The following THSD7B variants were observed in gnomAD, a reference collection of about 807,000 sequenced individuals.
The protein encoded by THSD7B is thrombospondin type 1 domain containing 7B.
Under a neutral mutation model 213.6 loss-of-function variants are expected in THSD7B, and 138 were observed. That is an observed-to-expected ratio of 0.65 (90% confidence interval 0.56 to 0.74). The LOEUF (loss-of-function observed/expected upper bound fraction) is 0.74. Among genes scored for constraint, THSD7B ranks in the 30% least tolerant of loss-of-function variants. The pLI, the probability that THSD7B is intolerant of heterozygous loss-of-function variation, is 0.00. For missense variants in THSD7B, 1,931 were observed against 1,991.5 expected, an observed-to-expected ratio of 0.97 and a Z score of 0.58; for synonymous variants, 742 against 687.0, an observed-to-expected ratio of 1.08 and a Z score of -1.25.
At chr2:137,163,131 G>A (rs570493690) in intron 6 of THSD7B, among the ~76,000 whole-genome samples, 8 of 151,910 alleles carry the variant, frequency 5.3e-5, no homozygotes, top group Non-Finnish European at 7.4e-5. Context: ...GCCCCATTCC[G>A]CCAAGTAACA....
intron 2 of THSD7B, among the ~76,000 whole-genome samples, chr2:136,884,794 A>T (rs1378067766): frequency 6.6e-6 from 1 of 152,234 alleles, no homozygotes; most frequent in South Asian, 2.1e-4. Context: ...TAATAAATTT[A>T]TCTAGTTTTC....
chr2:137,094,844 C>T (rs765804996), intron 3 of THSD7B, 29 bp from the exon 4 acceptor site: 49 of 1,601,546 alleles, frequency 3.1e-5, no homozygotes, highest in East Asian at 2.2e-4. Flanking sequence ...AATATATGGC[C>T]TCCTATTTTC....
At chr2:137,365,232 A>T (rs1266506937) in intron 12 of THSD7B, among the ~76,000 whole-genome samples, 2 of 152,212 alleles carry the variant, frequency 1.3e-5, no homozygotes, top group African/African-American at 4.8e-5. Context: ...CCTTATACAA[A>T]AATTAATTCA....
At chr2:137,663,354 T>A in intron 25 of THSD7B, 29 bp from the exon 26 acceptor site, 3 of 1,497,934 alleles carry the variant, frequency 2.0e-6, no homozygotes, top group Non-Finnish European at 2.7e-6. Context: ...ACTCACTGTG[T>A]AACCATAAAA....
At chr2:137,301,127 A>G (rs1177583424) in intron 12 of THSD7B, among the ~76,000 whole-genome samples, 1 of 152,128 alleles carries the variant, frequency 6.6e-6, no homozygotes, top group Non-Finnish European at 1.5e-5. Flanking sequence ...AAACAAAATC[A>G]TTCTACCCAG....
intron 10 of THSD7B, among the ~76,000 whole-genome samples, chr2:137,247,394 C>T (rs1400887810): frequency 6.6e-6 from 1 of 152,050 alleles, no homozygotes; most frequent in Admixed American, 6.6e-5. Context: ...ACATTAATCC[C>T]CACTTCCACA....
chr2:137,053,151 T>C (rs372828193), intron 2 of THSD7B, among the ~76,000 whole-genome samples: 51 of 152,278 alleles, frequency 3.3e-4, no homozygotes, highest in African/African-American at 1.2e-3. Flanking sequence ...CATTACCTGT[T>C]CTACTCATAC....
At chr2:137,092,776 A>G (rs562231969) in intron 3 of THSD7B, among the ~76,000 whole-genome samples, 1 of 152,274 alleles carries the variant, frequency 6.6e-6, no homozygotes, top group Non-Finnish European at 1.5e-5. Context: ...CTAGGACTAC[A>G]GGCACACACC....
rs749299206 is a variant in THSD7B at position 137,057,035 on chromosome 2, G to T, written c.755G>T (p.Arg252Ile). The change falls in exon 3 of 28, where the codon AGA becomes ATA. Residue 252 changes from arginine (R) to isoleucine (I), a missense_variant. Coordinates refer to ENST00000409968, the MANE Select transcript of THSD7B (RefSeq NM_001316349.2). ...SLKVGPWSKC[R>I]LPHLKEINPS... Reference sequence around the variant, plus strand: ...AAGGTTGGACCATGGAGTAAATGCAGACTGCCTCATCTTAAAGAAATTAAT... The same window carrying T: ...AAGGTTGGACCATGGAGTAAATGCATACTGCCTCATCTTAAAGAAATTAAT... The T allele has an allele frequency of 1.9e-6, 3 of 1,613,924 alleles. No homozygotes were observed. In the Admixed American group the frequency reaches 5.0e-5, roughly 27 times the overall value.
intron 14 of THSD7B, among the ~76,000 whole-genome samples, chr2:137,447,505 G>GT (rs1386303683): frequency 6.6e-6 from 1 of 152,118 alleles, no homozygotes; most frequent in Non-Finnish European, 1.5e-5. Context: ...ATGAAGTAAT[G>GT]TTGTGACTTC....
chr2:137,189,705 T>G (rs1019013555), intron 7 of THSD7B, among the ~76,000 whole-genome samples: 3 of 151,980 alleles, frequency 2.0e-5, no homozygotes, highest in African/African-American at 7.2e-5. Context: ...TGCGATTGCT[T>G]TTAAGAACTT....
intron 12 of THSD7B, among the ~76,000 whole-genome samples, chr2:137,336,860 G>A (rs189471118): frequency 1.5e-3 from 228 of 152,062 alleles, no homozygotes; most frequent in African/African-American, 5.4e-3. Context: ...AGAATATAAT[G>A]AAGCAACTTT....
chr2:137,537,821 A>G (rs1168779802), intron 15 of THSD7B, among the ~76,000 whole-genome samples: 2 of 151,662 alleles, frequency 1.3e-5, no homozygotes, highest in South Asian at 4.1e-4. Flanking sequence ...TCTATTTTAT[A>G]CCAGGCACTG....
chr2:137,236,645 A>G (rs1341004074), intron 9 of THSD7B, among the ~76,000 whole-genome samples: 1 of 152,248 alleles, frequency 6.6e-6, no homozygotes, highest in Non-Finnish European at 1.5e-5. Flanking sequence ...AGATACAGCA[A>G]TAAATAGCTC....
intron 9 of THSD7B, among the ~76,000 whole-genome samples, chr2:137,237,673 T>G (rs1421105677): frequency 3.3e-5 from 5 of 152,206 alleles, no homozygotes; most frequent in Non-Finnish European, 4.4e-5. Flanking sequence ...AACTTTACCT[T>G]TTTCAGAAGT....
chr2:137,623,008 T>A (rs577779454), intron 20 of THSD7B, among the ~76,000 whole-genome samples: 35 of 152,270 alleles, frequency 2.3e-4, no homozygotes, highest in African/African-American at 8.4e-4. Flanking sequence ...TACCAAAGCC[T>A]GGCAGAGACA....
At chr2:136,821,279 A>G (rs1682559829) in intron 1 of THSD7B, among the ~76,000 whole-genome samples, 2 of 152,210 alleles carry the variant, frequency 1.3e-5, no homozygotes. Flanking sequence ...GGAAAGAAGG[A>G]AAGAAAATGT....
intron 12 of THSD7B, among the ~76,000 whole-genome samples, chr2:137,342,207 G>A (rs965951303): frequency 1.3e-5 from 2 of 151,256 alleles, no homozygotes; most frequent in East Asian, 1.9e-4. Context: ...TTAGTGTACC[G>A]TTCTTTCACC....
intron 2 of THSD7B, among the ~76,000 whole-genome samples, chr2:137,051,335 G>T (rs1687067109): frequency 6.6e-6 from 1 of 152,146 alleles, no homozygotes. Flanking sequence ...TATAATGAAT[G>T]AATGTTCAGA....
Sources: allele counts gnomAD v4.1 joint callset (sites outside exome capture counted in the v4.1 genomes callset), GRCh38; gene constraint gnomAD v4.1.1; transcripts MANE v1.5; gene names NCBI Gene and HGNC (gene_info 2026-07-23, HGNC 2026-07-21).